The following BLVRA variants were observed in gnomAD, a reference collection of about 807,000 sequenced individuals.
BLVRA encodes the protein biliverdin reductase A.
Under a neutral mutation model 32.8 loss-of-function variants are expected in BLVRA, and 22 were observed. The ratio of observed to expected loss-of-function variants is 0.67; its 90% CI spans 0.48 to 0.96. BLVRA has a LOEUF of 0.96. BLVRA is among the 40% of genes least tolerant of loss of function. The pLI is 0.00. For synonymous variants in BLVRA, 119 were observed against 141.3 expected (o/e 0.84, Z 1.12); for missense variants, 323 against 358.1 (o/e 0.90, Z 0.79).
intron 2 of BLVRA, among the ~76,000 whole-genome samples, chr7:43,784,519 A>G (rs2132569212): frequency 6.6e-6 from 1 of 152,254 alleles, no homozygotes; most frequent in South Asian, 2.1e-4. Flanking sequence ...AAAAGGCCTA[A>G]CAAGTAATTT....
At chr7:43,800,641 CTG>C in intron 6 of BLVRA, 69 bp downstream of exon 6, 1 of 1,359,038 alleles carries the variant, frequency 7.4e-7, no homozygotes, top group Non-Finnish European at 1.0e-6. Flanking sequence ...TCCTGGCTCT[CTG>C]GGATGGGAGC....
rs2095787810 is a variant in BLVRA at position 43,792,911 on chromosome 7, G to C, written c.352+99G>C. 1.5e-5 allele frequency: 17 copies of C among 1,161,168 alleles called. 1 individual carries two copies. The highest frequency in any genetic ancestry group is 4.4e-4 in the Middle Eastern group (2 of 4,522). 71.9% of individuals were successfully genotyped at this position (1,161,168 alleles called of 1,614,324 possible). A position where few individuals can be genotyped will look rare whatever the true frequency, so the allele number is the denominator to read the frequency against. ...CCATTTCAGATATCTCCTCCTCCTGGCTACACTGGCACTGTGGGCTCCCAA... is the reference window on the plus strand; with the variant it reads ...CCATTTCAGATATCTCCTCCTCCTGCCTACACTGGCACTGTGGGCTCCCAA... On this transcript the variant is annotated intron_variant, in intron 5 of 7. Coordinates refer to ENST00000265523, the MANE Select transcript of BLVRA (RefSeq NM_000712.4).
In BLVRA at chr7:43,772,382, C is replaced by T. The variant is rs17239495; in HGVS notation, c.12+1212C>T. On this transcript the variant is annotated intron_variant, in intron 2 of 7. Transcript: ENST00000265523. ...TTGAAGCCCCATCAAATGTCTCCTTCGGTCTTATTGGCCAGAATCAGGTCC... is the reference window on the plus strand; with the variant it reads ...TTGAAGCCCCATCAAATGTCTCCTTTGGTCTTATTGGCCAGAATCAGGTCC... Among the ~76,000 whole-genome samples the T allele has an allele frequency of 8.9e-4, 136 of 152,322 alleles. 1 individual carries two copies. The East Asian group carries it at 0.021, about 24-fold the overall frequency.
intron 2 of BLVRA, among the ~76,000 whole-genome samples, chr7:43,783,207 C>G (rs1488480187): frequency 6.6e-6 from 1 of 152,192 alleles, no homozygotes; most frequent in Non-Finnish European, 1.5e-5. Context: ...AAAATATTTT[C>G]TATGAGAAGC....
At position 43,807,186 on chromosome 7, in the gene BLVRA, G is replaced by C. The variant is rs1041356768; in HGVS notation, c.842G>C (p.Cys281Ser). The part of the protein sequence containing the change: ...LAAEKKRILH[C>S]LGLAEEIQKY... ...GCTGAAAAGAAACGCATCCTGCACTGCCTGGGGCTTGCAGAAGAAATCCAG... is the reference window on the plus strand; with the variant it reads ...GCTGAAAAGAAACGCATCCTGCACTCCCTGGGGCTTGCAGAAGAAATCCAG... The change falls in exon 8 of 8, where the codon TGC becomes TCC. Residue 281 changes from cysteine (C) to serine (S), a missense_variant. Transcript: ENST00000265523. The C allele has an allele frequency of 6.2e-7, 1 of 1,612,384 alleles. No individual in the cohort carries two copies. The highest frequency in any genetic ancestry group is 1.6e-4 in the Middle Eastern group (1 of 6,062).
chr7:43,778,044 C>G (rs1001490170), intron 2 of BLVRA, among the ~76,000 whole-genome samples: 31 of 152,202 alleles, frequency 2.0e-4, no homozygotes, highest in African/African-American at 7.2e-4. Flanking sequence ...ATACATTCAT[C>G]TAATTTTTTT....
intron 3 of BLVRA, among the ~76,000 whole-genome samples, chr7:43,789,881 G>C (rs988351855): frequency 6.6e-6 from 1 of 150,442 alleles, no homozygotes; most frequent in Non-Finnish European, 1.5e-5. Flanking sequence ...ATGTACGTGT[G>C]TGTGTGTGTG....
intron 2 of BLVRA, among the ~76,000 whole-genome samples, chr7:43,784,118 G>T (rs532592456): frequency 6.6e-6 from 1 of 152,178 alleles, no homozygotes; most frequent in Non-Finnish European, 1.5e-5. Context: ...TAGTCACTTT[G>T]CTGTGCTTAT....
chr7:43,791,362 A>G lies in BLVRA; in HGVS notation c.248A>G (p.Tyr83Cys), dbSNP rs1163899694. The change falls in exon 4 of 8, where the codon TAC (tyrosine) becomes TGC (cysteine). Residue 83 changes from tyrosine to cysteine, a missense_variant. By Grantham distance (194) the Tyr-to-Cys change is radical (BLOSUM62 -2). Transcript: ENST00000265523. The stretch of plus-strand genomic sequence containing the variant: ...AGTGAGAGCTCCAGCCATGAGGACT[A>G]CATCAGGTGGGTTTTCCACACAGGC... ...ICSESSSHEDYIRQFLNAGKH... is the reference protein window; with the variant it reads ...ICSESSSHEDCIRQFLNAGKH... 3 of 1,614,096 alleles carry G rather than the reference A, an allele frequency of 1.9e-6. No homozygotes were observed. The highest frequency in any genetic ancestry group is 2.7e-5 in the African/African-American group (2 of 74,946).
intron 5 of BLVRA, among the ~76,000 whole-genome samples, chr7:43,799,190 C>T (rs1282552040): frequency 3.9e-5 from 6 of 152,132 alleles, no homozygotes; most frequent in South Asian, 2.1e-4. Flanking sequence ...GAGACTCCTG[C>T]GACAGACATC....
intron 1 of BLVRA, among the ~76,000 whole-genome samples, chr7:43,761,427 A>G (rs2095742143): frequency 6.6e-6 from 1 of 152,100 alleles, no homozygotes; most frequent in South Asian, 2.1e-4. Context: ...TCCAATAGCC[A>G]CTCTGTGTAG....
In BLVRA at chr7:43,785,583, G is replaced by A. The variant is rs1219499732; in HGVS notation, c.13-2321G>A. ...GTCATAGGAGACAGTTCAGTCAGATGTGTGAGCCAAGGCCAGTGTATGGTT... is the reference window on the plus strand; with the variant it reads ...GTCATAGGAGACAGTTCAGTCAGATATGTGAGCCAAGGCCAGTGTATGGTT... On this transcript the variant is annotated intron_variant, in intron 2 of 7. Coordinates refer to ENST00000265523, the MANE Select transcript of BLVRA (RefSeq NM_000712.4). Among the ~76,000 whole-genome samples, 10 of 152,318 alleles carry A rather than the reference G, an allele frequency of 6.6e-5. No homozygotes were observed. The East Asian group carries it at 1.7e-3, about 26-fold the overall frequency.
rs183114141 is a variant in BLVRA, at chr7:43,788,018, G to T, written c.127G>T (p.Val43Leu). 5.0e-6 allele frequency: 8 copies of T among 1,614,080 alleles called. No homozygotes were observed. Among genetic ancestry groups the T allele is most frequent in the Non-Finnish European group, 6.8e-6 (8 of 1,180,040 alleles). ...AGCGTTCCTGAACCTGATTGGCTTC[G>T]TGTCGAGGTGGCTCACAATGTCTTT... Reference protein sequence around the residue: ...SSAFLNLIGFVSRRELGSIDG... With the variant: ...SSAFLNLIGFLSRRELGSIDG... Residue 43 changes from valine to leucine, a missense_variant, in exon 3 of 8, where the codon GTG becomes TTG. By Grantham distance (32) the Val-to-Leu change is conservative (BLOSUM62 1). Coordinates refer to ENST00000265523, the MANE Select transcript of BLVRA (RefSeq NM_000712.4).
intron 2 of BLVRA, among the ~76,000 whole-genome samples, chr7:43,786,429 T>C (rs1222641808): frequency 6.6e-6 from 1 of 152,230 alleles, no homozygotes; most frequent in African/African-American, 2.4e-5. Flanking sequence ...CACAGTTATA[T>C]ACAATTATAT....
chr7:43,762,636 G>A (rs1227022042), intron 1 of BLVRA, among the ~76,000 whole-genome samples: 2 of 138,814 alleles, frequency 1.4e-5, no homozygotes, highest in Non-Finnish European at 3.1e-5. Flanking sequence ...TTTTAAGATG[G>A]AGTCTTGCTC....
intron 3 of BLVRA, among the ~76,000 whole-genome samples, chr7:43,788,945 TTTTC>T (rs922228185): frequency 2.0e-5 from 3 of 151,868 alleles, no homozygotes; most frequent in African/African-American, 7.3e-5. Context: ...AGCCTCCCCC[TTTTC>T]TTTAAGGATT....
Position 43,807,112 on chromosome 7 carries a change from TA to T in BLVRA, c.769del (p.Ile257TyrfsTer45), listed in dbSNP as rs757007204. 1 of 1,614,144 alleles carries T rather than the reference TA, an allele frequency of 6.2e-7. No individual in the cohort carries two copies. ...NKNIFLKDQNIFVQKLLGQFS... is the reference protein window; with the variant it reads ...NKNIFLKDQNXFVQKLLGQFS... ...AGAACATATTTCTGAAAGATCAAAA[TA>T]TATTTGTCCAGAAACTCTTGGGCCA... On this transcript the variant is annotated frameshift_variant, in exon 8 of 8. Coordinates refer to ENST00000265523, the MANE Select transcript of BLVRA (RefSeq NM_000712.4). LOFTEE classifies it high-confidence loss of function.
intron 2 of BLVRA, among the ~76,000 whole-genome samples, chr7:43,772,641 C>T (rs556555024): frequency 6.6e-6 from 1 of 152,328 alleles, no homozygotes; most frequent in South Asian, 2.1e-4. Context: ...TTCAGCATGG[C>T]TGGGGAGGCC....
intron 5 of BLVRA, among the ~76,000 whole-genome samples, chr7:43,798,225 A>C (rs1257687882): frequency 6.8e-6 from 1 of 147,676 alleles, no homozygotes; most frequent in African/African-American, 2.5e-5. Flanking sequence ...AAAAAAAAAA[A>C]AGGAAACGAT....
Sources: allele counts gnomAD v4.1 joint callset (sites outside exome capture counted in the v4.1 genomes callset), GRCh38; gene constraint gnomAD v4.1.1; transcripts MANE v1.5; gene names NCBI Gene and HGNC (gene_info 2026-07-23, HGNC 2026-07-21).